PHYHD1: variants seen among roughly 807,000 people sequenced by gnomAD.
PHYHD1 encodes the protein phytanoyl-CoA dioxygenase domain-containing protein 1.
PHYHD1 carries 42 observed loss-of-function variants against 43.6 expected under a neutral mutation model. The observed-to-expected ratio is 0.96, with a 90% CI of 0.75 to 1.25. PHYHD1 has a LOEUF of 1.25. Ranked by LOEUF, PHYHD1 falls within the 50% of genes most tolerant of loss-of-function variation. PHYHD1 has a pLI of 0.00. For missense variants in PHYHD1, 342 were observed against 370.8 expected (o/e 0.92, Z 0.64); for synonymous variants, 139 against 143.6 (o/e 0.97, Z 0.23).
intron 3 of PHYHD1, among the ~76,000 whole-genome samples, chr9:128,924,789 G>A (rs1841093132): frequency 6.6e-6 from 1 of 151,956 alleles, no homozygotes; most frequent in African/African-American, 2.4e-5. Context: ...ACAAAAATTA[G>A]CCAGGTGTGG....
chr9:128,931,129 G>C (rs1362084330), intron 4 of PHYHD1, among the ~76,000 whole-genome samples: 2 of 151,768 alleles, frequency 1.3e-5, no homozygotes, highest in Non-Finnish European at 2.9e-5. Context: ...TGTTTTGTTT[G>C]AGATATATTT....
At chr9:128,929,002 G>A (rs1397263509) in intron 4 of PHYHD1, among the ~76,000 whole-genome samples, 1 of 152,140 alleles carries the variant, frequency 6.6e-6, no homozygotes, top group East Asian at 1.9e-4. Context: ...CATGAACTGG[G>A]TCCTGGGGAA....
At position 128,931,612 on chromosome 9, in the gene PHYHD1, C is replaced by T. The variant is rs148820489; in HGVS notation, c.193-2170C>T. The stretch of plus-strand genomic sequence containing the variant: ...CGATCTCGGCTCACTGCAAGCTCCG[C>T]CTCCTGGGCTCACGCCATTCTCCTG... On this transcript the variant is annotated intron_variant, in intron 4 of 12. Transcript: ENST00000372592. Among the ~76,000 whole-genome samples the T allele has an allele frequency of 7.2e-4, 110 of 152,262 alleles. No individual in the cohort carries two copies. In the East Asian group the frequency reaches 0.02, roughly 28 times the overall value.
At chr9:128,933,988 T>G in intron 5 of PHYHD1, 23 bp from the exon 6 acceptor site, 1 of 1,613,740 alleles carries the variant, frequency 6.2e-7, no homozygotes, top group Non-Finnish European at 8.5e-7. Context: ...GTTCTCTGCC[T>G]TTATCTGTTC....
Position 128,940,698 on chromosome 9 carries a change from C to T in PHYHD1, c.686C>T (p.Pro229Leu), listed in dbSNP as rs769865862. The change falls in exon 11 of 13, where the codon CCC (proline) becomes CTC (leucine). Residue 229 changes from proline to leucine, a missense_variant. Transcript: ENST00000372592. ...EPARDNSLFVPTPVQRGALVL... is the reference protein window; with the variant it reads ...EPARDNSLFVLTPVQRGALVL... Reference sequence around the variant, plus strand: ...GCCCGGGATAACAGCCTCTTTGTGCCCACCCCAGTGCAGAGAGGTAGGCAG... The same window carrying T: ...GCCCGGGATAACAGCCTCTTTGTGCTCACCCCAGTGCAGAGAGGTAGGCAG... The T allele has an allele frequency of 2.5e-6, 4 of 1,613,504 alleles. No individual in the cohort carries two copies. The highest frequency in any genetic ancestry group is 2.7e-5 in the African/African-American group (2 of 75,022).
chr9:128,924,382 C>T (rs1016321855), intron 3 of PHYHD1, among the ~76,000 whole-genome samples: 1 of 152,098 alleles, frequency 6.6e-6, no homozygotes, highest in African/African-American at 2.4e-5. Context: ...CGCGCCACTG[C>T]GCTCCAACCT....
At chr9:128,933,756 A>G (rs373741896) in intron 4 of PHYHD1, 26 bp from the exon 5 acceptor site, 40 of 1,608,164 alleles carry the variant, frequency 2.5e-5, no homozygotes, top group Non-Finnish European at 3.2e-5. Context: ...ATGCTGTCTC[A>G]GTCCTCTGAT....
At chr9:128,933,744 G>C in intron 4 of PHYHD1, 38 bp from the exon 5 acceptor site, 1 of 1,599,104 alleles carries the variant, frequency 6.3e-7, no homozygotes, top group Non-Finnish European at 8.6e-7. Flanking sequence ...TCTGACCCCA[G>C]GATGCTGTCT....
intron 4 of PHYHD1, among the ~76,000 whole-genome samples, chr9:128,927,410 CTG>C (rs1171892775): frequency 1.3e-5 from 2 of 151,778 alleles, no homozygotes; most frequent in East Asian, 3.9e-4. Context: ...GAATCTCACT[CTG>C]TTGCTCAGTC....
chr9:128,936,358 C>T, intron 6 of PHYHD1, 90 bp from the exon 7 acceptor site: 3 of 1,512,684 alleles, frequency 2.0e-6, no homozygotes, highest in Non-Finnish European at 2.7e-6. Flanking sequence ...GTGAGAATGT[C>T]AAAGTAAGCC....
At chr9:128,930,569 T>C (rs1841245280) in intron 4 of PHYHD1, among the ~76,000 whole-genome samples, 1 of 145,720 alleles carries the variant, frequency 6.9e-6, no homozygotes, top group Non-Finnish European at 1.5e-5. Flanking sequence ...AACATGGAGG[T>C]TGAGGTGAGC....
chr9:128,929,010 G>A (rs1564539408), intron 4 of PHYHD1, among the ~76,000 whole-genome samples: 1 of 152,120 alleles, frequency 6.6e-6, no homozygotes, highest in Non-Finnish European at 1.5e-5. Context: ...GGGTCCTGGG[G>A]AATGCAATTA....
At chr9:128,940,751 G>A (rs751333120) in intron 11 of PHYHD1, 36 bp downstream of exon 11, 30 of 1,601,054 alleles carry the variant, frequency 1.9e-5, no homozygotes, top group Non-Finnish European at 2.6e-5. Flanking sequence ...GCAGGGGGCT[G>A]AGTCCATCAG....
At chr9:128,933,261 C>A (rs1841344028) in intron 4 of PHYHD1, among the ~76,000 whole-genome samples, 1 of 147,106 alleles carries the variant, frequency 6.8e-6, no homozygotes, top group African/African-American at 2.5e-5. Flanking sequence ...TCAAGTTATT[C>A]TCCTGCCTCA....
chr9:128,940,664 T>C lies in PHYHD1; in HGVS notation c.652T>C (p.Ser218Pro), dbSNP rs752689013. 4 of 1,613,910 alleles carry C rather than the reference T, an allele frequency of 2.5e-6. No homozygotes were observed. In the South Asian group the frequency reaches 4.4e-5, roughly 18 times the overall value. The change falls in exon 11 of 13, where the codon TCA becomes CCA. Residue 218 changes from serine (S) to proline (P), a missense_variant. By Grantham distance (74) the Ser-to-Pro change is moderately conservative. Transcript: ENST00000372592. ...GSAPGTSFLG[S>P]EPARDNSLFV... is the part of the protein sequence containing the mutation. ...AGCGCCTGGTACCAGCTTCCTTGGG[T>C]CAGAGCCAGCCCGGGATAACAGCCT...
intron 4 of PHYHD1, among the ~76,000 whole-genome samples, chr9:128,931,681 C>T (rs1201075582): frequency 5.9e-5 from 9 of 152,240 alleles, no homozygotes; most frequent in Middle Eastern, 3.4e-3. Context: ...CCCGCCACCA[C>T]ACCCGGCTAA....
At chr9:128,924,726 G>A (rs1436746791) in intron 3 of PHYHD1, among the ~76,000 whole-genome samples, 1 of 151,926 alleles carries the variant, frequency 6.6e-6, no homozygotes, top group African/African-American at 2.4e-5. Flanking sequence ...CCTGAGGTCA[G>A]GAGTTCGAGA....
chr9:128,922,356 G>A lies in PHYHD1; in HGVS notation c.33G>A (p.Lys11=). The A allele has an allele frequency of 6.5e-7, 1 of 1,549,372 alleles. No homozygotes were observed. Among genetic ancestry groups the A allele is most frequent in the Non-Finnish European group, 8.7e-7 (1 of 1,146,704 alleles). ...GCCTGAGCCCCTCGCAGCTCCAGAA[G>A]GTAGGAGCCTGCAAGTCGGGGCCGG... The part of the protein sequence containing the change: MACLSPSQLQ[K]FQQDGFLVLE... The change falls in exon 3 of 13, where the codon AAG becomes AAA. Residue 11 remains lysine (K), a splice_region_variant and synonymous_variant. Transcript: ENST00000372592.
intron 4 of PHYHD1, among the ~76,000 whole-genome samples, chr9:128,929,850 C>T (rs868465120): frequency 6.6e-6 from 1 of 151,948 alleles, no homozygotes; most frequent in Admixed American, 6.6e-5. Flanking sequence ...ACCATCCAGG[C>T]ATGGTGGCTC....
Sources: allele counts gnomAD v4.1 joint callset (sites outside exome capture counted in the v4.1 genomes callset), GRCh38; gene constraint gnomAD v4.1.1; transcripts MANE v1.5; gene names NCBI Gene and HGNC (gene_info 2026-07-23, HGNC 2026-07-21).